Variants in KLRG1 observed in about 807,000 individuals in gnomAD.
KLRG1 encodes killer cell lectin-like receptor subfamily G member 1.
In KLRG1, 16 loss-of-function variants were observed where a neutral mutation model predicts 21.8. The observed-to-expected ratio is 0.73, with a 90% CI of 0.50 to 1.11. The LOEUF is 1.11. Among genes scored for constraint, KLRG1 ranks in the 50% most tolerant of loss-of-function variants. KLRG1 has a pLI of 0.00. For missense variants in KLRG1, 173 were observed against 218.3 expected, an observed-to-expected ratio of 0.79 and a Z score of 1.31; for synonymous variants, 69 against 75.9, an observed-to-expected ratio of 0.91 and a Z score of 0.47.
chr12:9,200,328 A>G, the KLRG1 span: 1 of 1,482,592 alleles, frequency 6.7e-7, no homozygotes, highest in Non-Finnish European at 9.3e-7. Context: ...AATTGAGGCA[A>G]AATATAAAAT....
At chr12:9,027,338 T>G in the KLRG1 span, among the ~76,000 whole-genome samples, 1 of 152,186 alleles carries the variant, frequency 6.6e-6, no homozygotes. Context: ...AAATAACCTG[T>G]TATACAATTA....
chr12:8,991,371 G>T (rs956477119), intron 1 of KLRG1, among the ~76,000 whole-genome samples: 2 of 151,992 alleles, frequency 1.3e-5, no homozygotes, highest in African/African-American at 4.8e-5. Context: ...TTTTAATAAC[G>T]ACAGTTTACA....
At chr12:8,966,593 G>A (rs1214293491) in intron 1 of KLRG1, among the ~76,000 whole-genome samples, 45 of 152,156 alleles carry the variant, frequency 3.0e-4, no homozygotes, top group East Asian at 2.9e-3. Context: ...AATGCTCATC[G>A]TCACTGGCCA....
intron 3 of KLRG1, chr12:8,996,673 T>G (rs1947140699): frequency 6.6e-6 from 1 of 152,126 alleles, no homozygotes; most frequent in Admixed American, 6.5e-5. Flanking sequence ...ATTCCACATT[T>G]GTGACTAACT....
chr12:9,077,536 C>A, the KLRG1 span: 1 of 1,449,604 alleles, frequency 6.9e-7, no homozygotes, highest in Admixed American at 2.0e-5. Flanking sequence ...CCCTATAGGG[C>A]AAAGTATCAC....
At chr12:9,019,909 A>G in the KLRG1 span, among the ~76,000 whole-genome samples, 11 of 152,250 alleles carry the variant, frequency 7.2e-5, no homozygotes, top group South Asian at 2.3e-3. Context: ...TCACTGCATC[A>G]GAAAACTTTC....
At chr12:9,067,872 G>C in the KLRG1 span, 5 of 1,604,930 alleles carry the variant, frequency 3.1e-6, no homozygotes, top group Non-Finnish European at 4.3e-6. Flanking sequence ...AATTAAGACA[G>C]ATTTGGGTCT....
chr12:9,114,478 A>T, the KLRG1 span, among the ~76,000 whole-genome samples: 1 of 152,194 alleles, frequency 6.6e-6, no homozygotes, highest in African/African-American at 2.4e-5. Flanking sequence ...TAAACACTGT[A>T]GTATAAGATA....
chr12:9,145,495 C>G, the KLRG1 span, among the ~76,000 whole-genome samples: 1 of 152,092 alleles, frequency 6.6e-6, no homozygotes, highest in East Asian at 1.9e-4. Context: ...AAATTGATAT[C>G]TATTTTATGT....
the KLRG1 span, chr12:9,181,118 G>T: frequency 1.9e-6 from 3 of 1,614,086 alleles, no homozygotes; most frequent in Non-Finnish European, 8.5e-7. Context: ...GTGCTGGGCT[G>T]AAGCTCAAAT....
chr12:9,101,930 T>C, the KLRG1 span, among the ~76,000 whole-genome samples: 7 of 152,194 alleles, frequency 4.6e-5, no homozygotes, highest in Admixed American at 4.6e-4. Context: ...CATCCTTTGC[T>C]CTGATTAGCT....
the KLRG1 span, chr12:9,161,005 C>G: frequency 1.2e-5 from 19 of 1,522,888 alleles, no homozygotes; most frequent in African/African-American, 2.5e-4. Context: ...TCTTTTGGCC[C>G]AGGTTTACTA....
chr12:8,992,708 ATTT>A (rs1011939413), intron 2 of KLRG1, among the ~76,000 whole-genome samples: 3 of 148,734 alleles, frequency 2.0e-5, no homozygotes, highest in Non-Finnish European at 3.0e-5. Context: ...TATTATTATT[ATTT>A]TTTTTTTTTT....
chr12:9,150,745 A>G, the KLRG1 span: 7 of 1,603,598 alleles, frequency 4.4e-6, no homozygotes, highest in Non-Finnish European at 4.3e-6. Context: ...CTGATTTGTC[A>G]CCTGAAAGGA....
At chr12:9,166,589 T>G in the KLRG1 span, among the ~76,000 whole-genome samples, 12 of 152,210 alleles carry the variant, frequency 7.9e-5, no homozygotes, top group African/African-American at 2.7e-4. Flanking sequence ...GTTGCTATAC[T>G]AAAAATGAAA....
At chr12:9,152,793 A>C in the KLRG1 span, 1 of 1,602,208 alleles carries the variant, frequency 6.2e-7, no homozygotes, top group South Asian at 1.1e-5. Flanking sequence ...CTTTTGGGCC[A>C]AAGATAGGTG....
chr12:8,998,280 G>A (rs1322510477), intron 3 of KLRG1, among the ~76,000 whole-genome samples: 1 of 152,034 alleles, frequency 6.6e-6, no homozygotes. Flanking sequence ...AGTGAGCTGA[G>A]ACTGCACCAC....
chr12:9,115,936 A>C, the KLRG1 span: 3 of 1,107,866 alleles, frequency 2.7e-6, no homozygotes, highest in Non-Finnish European at 4.1e-6. Context: ...TTCCCAAAGC[A>C]ACTGGGCTTT....
At chr12:9,072,668 T>G in the KLRG1 span, 1 of 1,614,182 alleles carries the variant, frequency 6.2e-7, no homozygotes, top group Admixed American at 1.7e-5. Context: ...GGTAGACACA[T>G]CCTTCTCCTG....
Sources: allele counts gnomAD v4.1 joint callset (sites outside exome capture counted in the v4.1 genomes callset), GRCh38; gene constraint gnomAD v4.1.1; transcripts MANE v1.5; gene names NCBI Gene and HGNC (gene_info 2026-07-23, HGNC 2026-07-21).